LYST: variants seen among roughly 807,000 people sequenced by gnomAD.
LYST encodes the protein lysosomal-trafficking regulator.
Under a neutral mutation model 413.6 loss-of-function variants are expected in LYST, and 192 were observed. That is an observed-to-expected ratio of 0.46 (90% CI 0.41 to 0.52). LYST has a LOEUF of 0.52. Among genes scored for constraint, LYST ranks in the 20% least tolerant of loss-of-function variants. LYST has a pLI of 0.00. For synonymous variants in LYST, 1,525 were observed against 1,567.3 expected (o/e 0.97, Z 0.64); for missense variants, 3,815 against 4,499.9 (o/e 0.85, Z 4.35).
chr1:235,699,425 T>G (rs1661371348), intron 45 of LYST, among the ~76,000 whole-genome samples: 1 of 152,210 alleles, frequency 6.6e-6, no homozygotes, highest in Non-Finnish European at 1.5e-5. Context: ...TCTCATTATT[T>G]TTTACGGCTG....
At chr1:235,702,620 C>CA in intron 45 of LYST, 127 bp downstream of exon 45, 1 of 793,556 alleles carries the variant, frequency 1.3e-6, no homozygotes, top group Admixed American at 1.9e-5. Flanking sequence ...CGCTGCTGCA[C>CA]CTGTCTTGCA....
chr1:235,778,385 A>T (rs114499293), intron 16 of LYST, among the ~76,000 whole-genome samples: 4,432 of 148,314 alleles, frequency 0.03, 235 homozygotes, highest in African/African-American at 0.1. Context: ...TTATTTATTT[A>T]TTTTTCCGAG....
intron 22 of LYST, 76 bp downstream of exon 22, chr1:235,762,644 A>G (rs1262832143): frequency 6.9e-7 from 1 of 1,456,794 alleles, no homozygotes; most frequent in East Asian, 2.4e-5. Flanking sequence ...TACTTCTAAA[A>G]TATGTACAAT....
intron 1 of LYST, among the ~76,000 whole-genome samples, chr1:235,848,759 A>G (rs1311868427): frequency 6.6e-6 from 1 of 152,176 alleles, no homozygotes; most frequent in Non-Finnish European, 1.5e-5. Flanking sequence ...ATTTACAGAC[A>G]TAAACTAGAA....
chr1:235,774,311 A>G (rs1669007133), intron 18 of LYST, among the ~76,000 whole-genome samples: 1 of 152,226 alleles, frequency 6.6e-6, no homozygotes, highest in African/African-American at 2.4e-5. Flanking sequence ...GTAAGGATTC[A>G]TGCCACAAAT....
intron 44 of LYST, among the ~76,000 whole-genome samples, chr1:235,707,974 T>C (rs1418815813): frequency 6.6e-6 from 1 of 152,196 alleles, no homozygotes; most frequent in Non-Finnish European, 1.5e-5. Context: ...TTTCTTTTGA[T>C]TATCATGTTG....
In LYST at chr1:235,775,407, T is replaced by C. The variant is rs181651837; in HGVS notation, c.5461-321A>G. Among the ~76,000 whole-genome samples the C allele has an allele frequency of 3.9e-4, 59 of 152,238 alleles. No homozygotes were observed. The East Asian group carries it at 0.011, about 29-fold the overall frequency. On this transcript the variant is annotated intron_variant, in intron 17 of 52. Coordinates refer to ENST00000389793, the MANE Select transcript of LYST (RefSeq NM_000081.4). ...AATAGACAGGCTCTGCATTATGTGGTAAGGGAGATAAAAAGAAGTAAAATA... is the reference window on the plus strand; with the variant it reads ...AATAGACAGGCTCTGCATTATGTGGCAAGGGAGATAAAAAGAAGTAAAATA...
At chr1:235,724,730 T>C (rs1341493513) in intron 38 of LYST, among the ~76,000 whole-genome samples, 3 of 152,234 alleles carry the variant, frequency 2.0e-5, no homozygotes, top group African/African-American at 7.2e-5. Context: ...ACTGTCTCTA[T>C]AGTTTTGCCT....
At chr1:235,667,805 G>T (rs1235098647) in intron 50 of LYST, among the ~76,000 whole-genome samples, 1 of 152,086 alleles carries the variant, frequency 6.6e-6, no homozygotes, top group Non-Finnish European at 1.5e-5. Flanking sequence ...TGGGACTACA[G>T]GCGAGTGCCA....
intron 19 of LYST, among the ~76,000 whole-genome samples, chr1:235,770,905 A>T (rs1256034164): frequency 6.6e-6 from 1 of 152,232 alleles, no homozygotes; most frequent in Admixed American, 6.5e-5. Flanking sequence ...TAACTTGTCC[A>T]TAATACTAGA....
At chr1:235,857,780 C>CATAT (rs1276928760) in intron 1 of LYST, among the ~76,000 whole-genome samples, 6 of 135,854 alleles carry the variant, frequency 4.4e-5, no homozygotes, top group African/African-American at 1.5e-4. Flanking sequence ...CACACACACA[C>CATAT]ACACATATAT....
chr1:235,867,819 C>T (rs1680716222), upstream of LYST, among the ~76,000 whole-genome samples: 1 of 152,134 alleles, frequency 6.6e-6, no homozygotes, highest in African/African-American at 2.4e-5. Flanking sequence ...TCAAGTTCTG[C>T]CAAACAATAC....
chr1:235,746,438 G>T lies in LYST; in HGVS notation c.7870C>A (p.Arg2624=), dbSNP rs150306354. Residue 2624 remains arginine (R), a synonymous_variant, in exon 29 of 53, where the codon CGG becomes AGG. Transcript: ENST00000389793. Reference sequence around the variant, plus strand: ...CTAGGGTTCTCTTGGCTCATTCTCCGTTGCATCATCACATGAAGCTCATCA... The same window carrying T: ...CTAGGGTTCTCTTGGCTCATTCTCCTTTGCATCATCACATGAAGCTCATCA... The part of the protein sequence containing the change: ...ANDELHVMMQ[R]RMSQENPSQA... 3 of 1,613,748 alleles carry T rather than the reference G, an allele frequency of 1.9e-6. No individual in the cohort carries two copies. In the African/African-American group the frequency reaches 4.0e-5, roughly 22 times the overall value.
intron 24 of LYST, among the ~76,000 whole-genome samples, chr1:235,756,697 C>A (rs937772416): frequency 6.6e-6 from 1 of 152,048 alleles, no homozygotes; most frequent in Admixed American, 6.6e-5. Context: ...ACAAGATGCC[C>A]ACCCTCATGG....
At chr1:235,777,900 A>G (rs1669441149) in intron 16 of LYST, among the ~76,000 whole-genome samples, 1 of 151,856 alleles carries the variant, frequency 6.6e-6, no homozygotes, top group Admixed American at 6.6e-5. Context: ...CTATTTTAAA[A>G]ATTAAAGTTA....
chr1:235,665,328 G>A (rs1658341654), intron 50 of LYST, among the ~76,000 whole-genome samples: 1 of 152,078 alleles, frequency 6.6e-6, no homozygotes, highest in Non-Finnish European at 1.5e-5. Context: ...GAAGTGACTT[G>A]GCCAGGCGTG....
In LYST at chr1:235,830,432, A is replaced by G. The variant is rs534201766; in HGVS notation, c.-7-8T>C. ...TCGGTGCTCATGACCGAGCTATAAA[A>G]TAAGTATTACAAAAAAAAAAGATTA... On this transcript the variant is annotated splice_polypyrimidine_tract_variant and splice_region_variant and intron_variant, in intron 2 of 52. Transcript: ENST00000389793. 21 of 1,589,232 alleles carry G rather than the reference A, an allele frequency of 1.3e-5. No homozygotes were observed. The highest frequency in any genetic ancestry group is 1.2e-4 in the South Asian group (11 of 88,472).
intron 1 of LYST, among the ~76,000 whole-genome samples, chr1:235,857,784 C>CACACACACACAT (rs145820873): frequency 3.3e-5 from 4 of 122,132 alleles, no homozygotes; most frequent in African/African-American, 1.3e-4. Flanking sequence ...CACACACACA[C>CACACACACACAT]ATATATATAT....
chr1:235,872,227 C>T (rs996369880), intron 1 of LYST, among the ~76,000 whole-genome samples: 5 of 144,114 alleles, frequency 3.5e-5, no homozygotes, highest in Non-Finnish European at 7.4e-5. Flanking sequence ...ACCTGGGAGA[C>T]GGAGATTGCA....
Sources: allele counts gnomAD v4.1 joint callset (sites outside exome capture counted in the v4.1 genomes callset), GRCh38; gene constraint gnomAD v4.1.1; transcripts MANE v1.5; gene names NCBI Gene and HGNC (gene_info 2026-07-23, HGNC 2026-07-21).